PHF21B: variants seen among roughly 807,000 people sequenced by gnomAD.
The protein encoded by PHF21B is PHD finger protein 21B.
PHF21B carries 22 observed loss-of-function variants against 62.2 expected under a neutral mutation model. The observed-to-expected ratio is 0.35, with a 90% CI of 0.25 to 0.51. PHF21B has a LOEUF of 0.51. Among genes scored for constraint, PHF21B ranks in the 20% least tolerant of loss-of-function variants. The probability of loss-of-function intolerance (pLI) is 0.97; values close to 1 mark genes in which losing one functional copy is unlikely to be tolerated. For synonymous variants in PHF21B, 341 were observed against 314.7 expected, an observed-to-expected ratio of 1.08 and a Z score of -0.88; for missense variants, 701 against 707.9, an observed-to-expected ratio of 0.99 and a Z score of 0.11.
chr22:44,988,007 C>T, intron 2 of PHF21B, among the ~76,000 whole-genome samples: 1 of 152,214 alleles, frequency 6.6e-6, no homozygotes, highest in Admixed American at 6.5e-5. Flanking sequence ...ACACAAAGAA[C>T]TCAACCAGTA....
intron 2 of PHF21B, among the ~76,000 whole-genome samples, chr22:44,965,661 C>T (rs1200168424): frequency 6.6e-6 from 1 of 152,168 alleles, no homozygotes; most frequent in East Asian, 1.9e-4. Context: ...CCGTCTGTCT[C>T]CCTCGCCCTC....
chr22:45,008,797 T>G, intron 1 of PHF21B, 187 bp from the exon 2 acceptor site: 1 of 1,171,298 alleles, frequency 8.5e-7, no homozygotes, highest in Non-Finnish European at 1.1e-6. Flanking sequence ...CGCTTACCTG[T>G]GGCTGCCGCC....
intron 5 of PHF21B, among the ~76,000 whole-genome samples, chr22:44,908,302 C>T (rs6007382): frequency 2.0e-5 from 3 of 152,120 alleles, no homozygotes; most frequent in African/African-American, 7.2e-5. Flanking sequence ...CATGGGCTAA[C>T]AACAGTCCCT....
At chr22:44,886,019 T>C (rs1473332099) in intron 10 of PHF21B, 81 bp from the exon 11 acceptor site, 1 of 1,359,698 alleles carries the variant, frequency 7.4e-7, no homozygotes, top group African/African-American at 1.4e-5. Context: ...TGTGTAACCC[T>C]GAGGGGGCAC....
At chr22:44,989,438 G>A (rs558451229) in intron 2 of PHF21B, 37 of 152,158 alleles carry the variant, frequency 2.4e-4, no homozygotes, top group African/African-American at 8.9e-4. Context: ...AATGTAAGTG[G>A]CAATGCCCAA....
chr22:44,975,295 GC>G (rs2072715669), intron 2 of PHF21B, among the ~76,000 whole-genome samples: 1 of 152,190 alleles, frequency 6.6e-6, no homozygotes, highest in Non-Finnish European at 1.5e-5. Context: ...ACCAGCACCT[GC>G]CTGGCCTTGG....
chr22:44,949,906 G>T (rs1225158415), intron 2 of PHF21B, among the ~76,000 whole-genome samples: 4 of 152,188 alleles, frequency 2.6e-5, no homozygotes, highest in African/African-American at 9.7e-5. Context: ...ACTTTAACGT[G>T]ACTGATCATT....
intron 2 of PHF21B, among the ~76,000 whole-genome samples, chr22:44,972,613 T>C (rs2072661130): frequency 6.6e-6 from 1 of 152,136 alleles, no homozygotes; most frequent in Non-Finnish European, 1.5e-5. Flanking sequence ...CAGTGGAAAC[T>C]CCTCATGTAC....
At chr22:44,995,758 A>G (rs2073109615) in intron 2 of PHF21B, among the ~76,000 whole-genome samples, 1 of 151,794 alleles carries the variant, frequency 6.6e-6, no homozygotes, top group Non-Finnish European at 1.5e-5. Flanking sequence ...GACAGAGATG[A>G]GGGAGGGAGG....
chr22:44,996,375 C>T (rs2073123164), intron 2 of PHF21B, among the ~76,000 whole-genome samples: 1 of 152,212 alleles, frequency 6.6e-6, no homozygotes, highest in Non-Finnish European at 1.5e-5. Flanking sequence ...CCTTCACTGA[C>T]TGAGAGGTGG....
At chr22:44,974,283 G>A (rs1013900392) in intron 2 of PHF21B, among the ~76,000 whole-genome samples, 14 of 152,066 alleles carry the variant, frequency 9.2e-5, no homozygotes, top group African/African-American at 2.4e-4. Flanking sequence ...GCATGGTGGC[G>A]GATGCCTGTA....
chr22:44,964,651 C>T (rs191556351), intron 2 of PHF21B, among the ~76,000 whole-genome samples: 14 of 152,350 alleles, frequency 9.2e-5, no homozygotes, highest in African/African-American at 2.9e-4. Context: ...TTTTTGCCTG[C>T]GGCACAAGTT....
At chr22:44,978,777 C>A (rs1475645051) in intron 2 of PHF21B, among the ~76,000 whole-genome samples, 1 of 152,202 alleles carries the variant, frequency 6.6e-6, no homozygotes, top group Non-Finnish European at 1.5e-5. Flanking sequence ...CCCGTAGGAG[C>A]TAACCAATCT....
At chr22:44,896,652 C>T (rs951632397) in intron 5 of PHF21B, among the ~76,000 whole-genome samples, 1 of 152,254 alleles carries the variant, frequency 6.6e-6, no homozygotes, top group Non-Finnish European at 1.5e-5. Context: ...CATGAACCTA[C>T]TAATAAACTC....
At chr22:44,966,430 CAGGCCAGCGTCTACT>C (rs2072526972) in intron 2 of PHF21B, among the ~76,000 whole-genome samples, 1 of 152,218 alleles carries the variant, frequency 6.6e-6, no homozygotes, top group Admixed American at 6.5e-5. Context: ...AACCCTTGGG[CAGGCCAGCGTCTACT>C]GGGAGCTTTG....
chr22:44,964,468 TC>T (rs1341543578), intron 2 of PHF21B, among the ~76,000 whole-genome samples: 1 of 151,392 alleles, frequency 6.6e-6, no homozygotes, highest in Non-Finnish European at 1.5e-5. Flanking sequence ...GGAGGACCAC[TC>T]CCAAACCTCC....
intron 2 of PHF21B, among the ~76,000 whole-genome samples, chr22:45,007,083 CGGGGGCGCGCGGCCGGGGGCGGGG>C (rs1465305797): frequency 6.6e-6 from 1 of 151,610 alleles, no homozygotes; most frequent in Non-Finnish European, 1.5e-5. Context: ...CACTCCCGGA[CGGGGGCGCGCGGCCGGGGGCGGGG>C]GGGCCGCGGC....
At chr22:44,946,788 C>A (rs1015982548) in intron 2 of PHF21B, among the ~76,000 whole-genome samples, 1 of 152,150 alleles carries the variant, frequency 6.6e-6, no homozygotes, top group African/African-American at 2.4e-5. Flanking sequence ...CTCCCCACCC[C>A]AGCCCAAGGC....
chr22:44,996,069 T>C (rs538723344), intron 2 of PHF21B, among the ~76,000 whole-genome samples: 2 of 152,272 alleles, frequency 1.3e-5, no homozygotes, highest in South Asian at 4.1e-4. Flanking sequence ...CTGGCTTCTC[T>C]TGAAAAATCC....
Sources: allele counts gnomAD v4.1 joint callset (sites outside exome capture counted in the v4.1 genomes callset), GRCh38; gene constraint gnomAD v4.1.1; transcripts MANE v1.5; gene names NCBI Gene and HGNC (gene_info 2026-07-23, HGNC 2026-07-21).